The following EYS variants were observed in gnomAD, a reference collection of about 807,000 sequenced individuals.
The protein encoded by EYS is EGF-like photoreceptor maintenance factor.
EYS carries 250 observed loss-of-function variants against 282.1 expected under a neutral mutation model. The ratio of observed to expected loss-of-function variants is 0.89; its 90% confidence interval spans 0.80 to 0.98. The LOEUF (loss-of-function observed/expected upper bound fraction) is 0.98, where lower values mean the gene tolerates loss of function less well. Ranked by LOEUF, EYS falls within the 50% of genes least tolerant of loss-of-function variation. The pLI is 0.00. For synonymous variants in EYS, 1,355 were observed against 1,282.9 expected (o/e 1.06, Z -1.20); for missense variants, 4,016 against 3,709.0 (o/e 1.08, Z -2.15).
intron 22 of EYS, among the ~76,000 whole-genome samples, chr6:64,721,213 AAAT>A (rs1269021075): frequency 6.6e-6 from 1 of 152,174 alleles, no homozygotes; most frequent in Non-Finnish European, 1.5e-5. Flanking sequence ...GTAAGTAAAT[AAAT>A]AATAAAACAA....
In EYS at chr6:64,978,976, T is replaced by C. The variant is rs191745283; in HGVS notation, c.2259+18606A>G. ...GAATCTACTTCTGGTGAAGATGCTA[T>C]GACCATTGTTGAAATGACAAAATGG... is the stretch of plus-strand genomic sequence containing the variant. On this transcript the variant is annotated intron_variant, in intron 14 of 42. Coordinates refer to ENST00000503581, the MANE Select transcript of EYS (RefSeq NM_001142800.2). 1.4e-4 allele frequency among the ~76,000 whole-genome samples: 21 copies of C among 152,034 alleles called. No homozygotes were observed. In the East Asian group the frequency reaches 3.5e-3, roughly 25 times the overall value.
chr6:63,864,292 A>G lies in EYS; in HGVS notation c.7122T>C (p.Ser2374=), dbSNP rs890076073. The G allele has an allele frequency of 5.7e-5, 89 of 1,551,526 alleles. No individual in the cohort carries two copies. Among genetic ancestry groups the G allele is most frequent in the Non-Finnish European group, 7.3e-5 (84 of 1,146,924 alleles). The part of the protein sequence containing the change: ...LYSGKLCQFA[S]CENNPCGNGA... ...CATTTCCACATGGGTTGTTTTCACA[A>G]CTTGCAAACTGGCACAGCTTGCCTG... The change falls in exon 36 of 43, where the codon AGT becomes AGC. Residue 2374 remains serine, a synonymous_variant. Coordinates refer to ENST00000503581, the MANE Select transcript of EYS (RefSeq NM_001142800.2).
chr6:63,908,877 T>G (rs986929197), intron 35 of EYS, among the ~76,000 whole-genome samples: 1 of 152,180 alleles, frequency 6.6e-6, no homozygotes, highest in Non-Finnish European at 1.5e-5. Flanking sequence ...TGGAAAAAGA[T>G]GTTTCTGGGA....
At chr6:64,493,924 T>G (rs1163965839) in intron 26 of EYS, among the ~76,000 whole-genome samples, 1 of 151,522 alleles carries the variant, frequency 6.6e-6, no homozygotes, top group Non-Finnish European at 1.5e-5. Context: ...GGTCCCATAC[T>G]TGGGACCAGG....
intron 12 of EYS, among the ~76,000 whole-genome samples, chr6:65,288,854 G>A (rs1022659114): frequency 1.3e-5 from 2 of 151,096 alleles, no homozygotes; most frequent in Admixed American, 6.6e-5. Context: ...CGTGTAACAA[G>A]TACCAATTTC....
chr6:63,900,517 G>T (rs995457910), intron 35 of EYS, among the ~76,000 whole-genome samples: 2 of 152,110 alleles, frequency 1.3e-5, no homozygotes, highest in South Asian at 4.1e-4. Context: ...CTGTGCACAC[G>T]CACAGCAGAG....
intron 8 of EYS, among the ~76,000 whole-genome samples, chr6:65,366,011 A>G (rs1187581461): frequency 6.6e-6 from 1 of 151,772 alleles, no homozygotes; most frequent in Admixed American, 6.7e-5. Flanking sequence ...AGATGTTCAT[A>G]TTGGGAAGAA....
At chr6:65,515,951 A>G (rs980561515) in intron 2 of EYS, among the ~76,000 whole-genome samples, 20 of 152,196 alleles carry the variant, frequency 1.3e-4, no homozygotes, top group Admixed American at 2.6e-4. Flanking sequence ...TAATAATAAA[A>G]TAAAATTCTT....
At chr6:63,972,794 G>C (rs11968744) in intron 35 of EYS, among the ~76,000 whole-genome samples, 3,444 of 152,132 alleles carry the variant, frequency 0.023, 102 homozygotes, top group African/African-American at 0.07. Context: ...TGTGGTCTTT[G>C]GTTTTCTGTT....
chr6:64,633,733 G>A (rs7744701), intron 22 of EYS, among the ~76,000 whole-genome samples: 3 of 151,620 alleles, frequency 2.0e-5, no homozygotes, highest in African/African-American at 7.3e-5. Flanking sequence ...AAGCTAGACA[G>A]TCTATCATAA....
intron 22 of EYS, among the ~76,000 whole-genome samples, chr6:64,744,371 A>G (rs1208326732): frequency 6.6e-6 from 1 of 152,168 alleles, no homozygotes; most frequent in East Asian, 1.9e-4. Context: ...TTCTAAGCCA[A>G]TACGGAATCT....
At chr6:63,916,980 T>C (rs1376100751) in intron 35 of EYS, among the ~76,000 whole-genome samples, 3 of 152,162 alleles carry the variant, frequency 2.0e-5, no homozygotes, top group Non-Finnish European at 4.4e-5. Context: ...GAAGGGACAA[T>C]TTAGAAGCTG....
chr6:64,664,243 T>C (rs1769151275), intron 22 of EYS, among the ~76,000 whole-genome samples: 1 of 152,244 alleles, frequency 6.6e-6, no homozygotes, highest in Non-Finnish European at 1.5e-5. Context: ...CTGGGGTTTA[T>C]ATCCCAATCA....
intron 31 of EYS, among the ~76,000 whole-genome samples, chr6:64,225,404 ACT>A (rs1335987374): frequency 2.0e-5 from 3 of 151,572 alleles, no homozygotes; most frequent in Non-Finnish European, 4.4e-5. Context: ...TAACCAGCTG[ACT>A]CTGAGATACA....
rs1767545976 is a variant in EYS at position 65,259,014 on chromosome 6, T to C, written c.2023+36849A>G. On this transcript the variant is annotated intron_variant, in intron 12 of 42. Coordinates refer to ENST00000503581, the MANE Select transcript of EYS (RefSeq NM_001142800.2). Reference sequence around the variant, plus strand: ...TAAATAAACTTTTGTTACTTCTGAATATCTGATAATTTCCAGATCTACGCA... The same window carrying C: ...TAAATAAACTTTTGTTACTTCTGAACATCTGATAATTTCCAGATCTACGCA... Among the ~76,000 whole-genome samples the C allele has an allele frequency of 2.6e-5, 4 of 152,130 alleles. No individual in the cohort carries two copies. The South Asian group carries it at 8.3e-4, about 32-fold the overall frequency.
At chr6:64,383,472 T>C (rs930020768) in intron 29 of EYS, among the ~76,000 whole-genome samples, 2 of 152,240 alleles carry the variant, frequency 1.3e-5, no homozygotes, top group Admixed American at 1.3e-4. Flanking sequence ...AGACACCAGA[T>C]GCCCAAGTCC....
intron 31 of EYS, among the ~76,000 whole-genome samples, chr6:64,107,291 A>ATT (rs1554208120): frequency 3.3e-4 from 36 of 110,652 alleles, no homozygotes; most frequent in African/African-American, 1.6e-3. Context: ...ATATTTATAT[A>ATT]TATATATATA....
chr6:65,344,885 C>T (rs1770336501), intron 9 of EYS, among the ~76,000 whole-genome samples: 1 of 151,642 alleles, frequency 6.6e-6, no homozygotes, highest in Admixed American at 6.6e-5. Context: ...GTAAACATGA[C>T]TACATCTCCT....
At chr6:63,747,065 C>T (rs1055458565) in intron 41 of EYS, among the ~76,000 whole-genome samples, 4 of 152,284 alleles carry the variant, frequency 2.6e-5, no homozygotes, top group South Asian at 4.1e-4. Context: ...CTCCTGTGGG[C>T]ATTTAGTGCT....
Sources: gnomAD v4.1 joint callset for allele counts (sites outside exome capture counted in the v4.1 genomes callset) on GRCh38, gnomAD v4.1.1 for gene constraint, MANE v1.5 for transcripts, NCBI Gene and HGNC (gene_info 2026-07-23, HGNC 2026-07-21) for gene names.